Variants in ATXN7L1 observed in about 807,000 individuals in gnomAD.
ATXN7L1 encodes the protein ataxin-7-like protein 1.
Under a neutral mutation model 70.8 loss-of-function variants are expected in ATXN7L1, and 15 were observed. That is an observed-to-expected ratio of 0.21 (90% CI 0.14 to 0.33). The LOEUF is 0.33. Among genes scored for constraint, ATXN7L1 ranks in the 10% least tolerant of loss-of-function variants. ATXN7L1 has a pLI of 1.00. For missense variants in ATXN7L1, 975 were observed against 1,097.1 expected, an observed-to-expected ratio of 0.89 and a Z score of 1.57; for synonymous variants, 440 against 445.1, an observed-to-expected ratio of 0.99 and a Z score of 0.14.
At chr7:105,775,940 GCA>G (rs1274167305) in intron 3 of ATXN7L1, among the ~76,000 whole-genome samples, 1 of 152,078 alleles carries the variant, frequency 6.6e-6, no homozygotes, top group African/African-American at 2.4e-5. Flanking sequence ...GGGGAGTCTG[GCA>G]CAGTTTCCCA....
chr7:105,666,199 T>G (rs1272298345), intron 3 of ATXN7L1, among the ~76,000 whole-genome samples: 1 of 152,146 alleles, frequency 6.6e-6, no homozygotes, highest in African/African-American at 2.4e-5. Flanking sequence ...CCCAAAAACT[T>G]TGTACATGAT....
At chr7:105,721,158 C>G (rs1316640527) in intron 3 of ATXN7L1, among the ~76,000 whole-genome samples, 4 of 152,144 alleles carry the variant, frequency 2.6e-5, no homozygotes, top group African/African-American at 9.7e-5. Context: ...ACTCACAGGG[C>G]CAGGGCTGGG....
At chr7:105,820,878 C>A (rs926030551) in intron 2 of ATXN7L1, among the ~76,000 whole-genome samples, 1 of 152,184 alleles carries the variant, frequency 6.6e-6, no homozygotes, top group Non-Finnish European at 1.5e-5. Context: ...CCCTCCACCC[C>A]CTTGCTCCCA....
intron 2 of ATXN7L1, among the ~76,000 whole-genome samples, chr7:105,802,167 G>A (rs1008219552): frequency 6.6e-6 from 1 of 152,140 alleles, no homozygotes; most frequent in Non-Finnish European, 1.5e-5. Flanking sequence ...ATACCCAAGT[G>A]GAACGAGTCA....
At chr7:105,716,978 A>C (rs1402498271) in intron 3 of ATXN7L1, among the ~76,000 whole-genome samples, 3 of 152,158 alleles carry the variant, frequency 2.0e-5, no homozygotes, top group Admixed American at 6.5e-5. Context: ...ATGAATGAGG[A>C]AGAAACTAAA....
intron 3 of ATXN7L1, chr7:105,761,467 T>TG (rs751202565): frequency 1.2e-6 from 2 of 1,614,112 alleles, no homozygotes; most frequent in South Asian, 2.2e-5. Flanking sequence ...TTTCTCCCTT[T>TG]GGAAAGTAAA....
Position 105,619,140 on chromosome 7 carries a change from G to GTTTTTTTTTTTTTTTTTTTTTTTT in ATXN7L1, c.1517+1036_1517+1059dup, listed in dbSNP as rs1191774371. On this transcript the variant is annotated intron_variant, in intron 9 of 11. Transcript: ENST00000419735. ...GTCCACAACCATAATGAAATCTTTAGTTTTTTTTTTTTTTTTTTTTTTTTT... is the reference window on the plus strand; with the variant it reads ...GTCCACAACCATAATGAAATCTTTAGTTTTTTTTTTTTTTTTTTTTTTTTTTTTTTTTTTTTTTTTTTTTTTTTT... Among the ~76,000 whole-genome samples, 9 of 49,842 alleles carry GTTTTTTTTTTTTTTTTTTTTTTTT rather than the reference G, an allele frequency of 1.8e-4. 4 individuals carry two copies. The highest frequency in any genetic ancestry group is 1.6e-3 in the East Asian group (2 of 1,224). The allele number at this position is 49,842 out of a possible 152,430, so 32.7% of individuals were successfully genotyped here.
chr7:105,705,164 T>A (rs1332304625), intron 3 of ATXN7L1, among the ~76,000 whole-genome samples: 1 of 151,962 alleles, frequency 6.6e-6, no homozygotes, highest in Non-Finnish European at 1.5e-5. Context: ...AGCTGGGATT[T>A]ACAGGTGCGT....
chr7:105,839,498 C>T (rs1434316042), intron 2 of ATXN7L1, among the ~76,000 whole-genome samples: 1 of 152,182 alleles, frequency 6.6e-6, no homozygotes, highest in Non-Finnish European at 1.5e-5. Context: ...TTTGGCCATT[C>T]AGCCTACACT....
chr7:105,667,698 C>CAAAAAAAAAAAAAAAAAAAAAAAAAAA (rs397890100), intron 3 of ATXN7L1, among the ~76,000 whole-genome samples: 1 of 47,066 alleles, frequency 2.1e-5, no homozygotes, highest in Non-Finnish European at 3.8e-5. Context: ...GACTCCGTCT[C>CAAAAAAAAAAAAAAAAAAAAAAAAAAA]AAAAAAAAAA....
chr7:105,716,939 G>A (rs906719537), intron 3 of ATXN7L1, among the ~76,000 whole-genome samples: 1 of 151,806 alleles, frequency 6.6e-6, no homozygotes, highest in Non-Finnish European at 1.5e-5. Flanking sequence ...AATGATAAGT[G>A]TATGATAAAG....
At chr7:105,788,539 G>C in intron 3 of ATXN7L1, 65 bp downstream of exon 3, 1 of 1,338,806 alleles carries the variant, frequency 7.5e-7, no homozygotes, top group South Asian at 1.2e-5. Flanking sequence ...GGGGAGCCCA[G>C]GGGAAGGCGA....
At chr7:105,729,838 C>T (rs1281261027) in intron 3 of ATXN7L1, among the ~76,000 whole-genome samples, 6 of 151,786 alleles carry the variant, frequency 4.0e-5, no homozygotes, top group East Asian at 1.9e-4. Flanking sequence ...CCCGGGTTCA[C>T]GCCATTCTCC....
intron 2 of ATXN7L1, among the ~76,000 whole-genome samples, chr7:105,868,430 C>T (rs1817794779): frequency 6.6e-6 from 1 of 152,192 alleles, no homozygotes; most frequent in Middle Eastern, 3.4e-3. Flanking sequence ...AACAGTTGAG[C>T]GTATTAAAAA....
intron 3 of ATXN7L1, among the ~76,000 whole-genome samples, chr7:105,677,030 C>T (rs1341668928): frequency 6.6e-6 from 1 of 152,210 alleles, no homozygotes; most frequent in African/African-American, 2.4e-5. Flanking sequence ...CATGGCTTGC[C>T]AGGCCCCGTG....
intron 4 of ATXN7L1, among the ~76,000 whole-genome samples, chr7:105,653,062 G>T (rs1800103790): frequency 6.6e-6 from 1 of 151,932 alleles, no homozygotes; most frequent in Non-Finnish European, 1.5e-5. Context: ...TGGCATTTTT[G>T]CCATATTAAA....
intron 2 of ATXN7L1, among the ~76,000 whole-genome samples, chr7:105,798,826 T>TAA (rs1806373989): frequency 6.6e-6 from 1 of 152,178 alleles, no homozygotes; most frequent in Admixed American, 6.5e-5. Flanking sequence ...AGGCTTTTCT[T>TAA]CTATTTGGAT....
At chr7:105,802,273 G>A (rs898673004) in intron 2 of ATXN7L1, among the ~76,000 whole-genome samples, 2 of 152,000 alleles carry the variant, frequency 1.3e-5, no homozygotes, top group Non-Finnish European at 2.9e-5. Context: ...TCAGTAAACC[G>A]ATCTATAATA....
chr7:105,681,009 G>A (rs1171852485), intron 3 of ATXN7L1, among the ~76,000 whole-genome samples: 1 of 152,150 alleles, frequency 6.6e-6, no homozygotes, highest in African/African-American at 2.4e-5. Flanking sequence ...CTGAGGTAGC[G>A]TAAGTTCTCA....
Sources: gnomAD v4.1 joint callset for allele counts (sites outside exome capture counted in the v4.1 genomes callset) on GRCh38, gnomAD v4.1.1 for gene constraint, MANE v1.5 for transcripts, NCBI Gene and HGNC (gene_info 2026-07-23, HGNC 2026-07-21) for gene names.